Variants in SLC5A11 observed in about 807,000 individuals in gnomAD.
SLC5A11 encodes the protein sodium/myo-inositol cotransporter 2.
A neutral mutation model predicts 69.8 loss-of-function variants in SLC5A11; 48 were observed. The observed-to-expected ratio is 0.69, with a 90% CI of 0.55 to 0.87. SLC5A11 has a LOEUF of 0.87. Ranked by LOEUF, SLC5A11 falls within the 40% of genes least tolerant of loss-of-function variation. The probability of loss-of-function intolerance (pLI) is 0.00; values close to 1 mark genes in which losing one functional copy is unlikely to be tolerated. For synonymous variants in SLC5A11, 319 were observed against 342.4 expected, an observed-to-expected ratio of 0.93 and a Z score of 0.75; for missense variants, 784 against 866.1, an observed-to-expected ratio of 0.91 and a Z score of 1.19.
chr16:24,858,761 C>G, exon 2 of SLC5A11: 2 of 1,611,830 alleles, frequency 1.2e-6, no homozygotes, highest in Middle Eastern at 1.8e-4. Flanking sequence ...CCTCTTTGTC[C>G]TGGCTGTTGG....
rs763262980 is a variant in SLC5A11 at position 24,877,381 on chromosome 16, G to T, written c.583+18G>T. ...GGTTGCTGGTAAGACTGAACAAAGG[G>T]TAACACCTAGCAGAGGCAGTGGGCA... On this transcript the variant is annotated intron_variant, in intron 7 of 15. Transcript: ENST00000347898. The T allele has an allele frequency of 6.3e-7, 1 of 1,597,276 alleles. No homozygotes were observed. Among genetic ancestry groups the T allele is most frequent in the South Asian group, 1.1e-5 (1 of 90,208 alleles).
At chr16:24,888,783 C>CTT (rs1169015317) in intron 8 of SLC5A11, among the ~76,000 whole-genome samples, 5,872 of 45,670 alleles carry the variant, frequency 0.13, 2,274 homozygotes, top group Non-Finnish European at 0.21. Context: ...CGTGCCTGTC[C>CTT]TTTTTTTTTT....
chr16:24,868,596 C>CAAA lies in SLC5A11; in HGVS notation c.208-1292_208-1290dup, dbSNP rs71156448. On this transcript the variant is annotated intron_variant, in intron 3 of 15. Transcript: ENST00000347898. ...CCTGGGAGACAGCAAGACTCCGCCT[C>CAAA]AAAAAAAAAAAAAAAGAGACTCACA... Among the ~76,000 whole-genome samples, 1,208 of 123,922 alleles carry CAAA rather than the reference C, an allele frequency of 9.7e-3. 22 individuals are homozygous for CAAA. Among genetic ancestry groups the CAAA allele is most frequent in the African/African-American group, 0.035 (1,117 of 32,328 alleles). 81.3% of individuals were successfully genotyped at this position (123,922 alleles called of 152,430 possible).
Position 24,911,558 on chromosome 16 carries a change from ACT to A in SLC5A11, c.*28_*29del, listed in dbSNP as rs777971848. 109 of 1,609,536 alleles carry A rather than the reference ACT, an allele frequency of 6.8e-5. 3 individuals carry two copies. The South Asian group carries it at 1.1e-3, about 16-fold the overall frequency. On this transcript the variant is annotated 3_prime_UTR_variant, in exon 16 of 16. Transcript: ENST00000347898. ...GTGTGGGGTGAACCCAGGGGTCCAAACTCTGTTTCTCTTCAGTGCTCCATTTT... is the reference window on the plus strand; with the variant it reads ...GTGTGGGGTGAACCCAGGGGTCCAAACTGTTTCTCTTCAGTGCTCCATTTT...
At chr16:24,910,415 C>T in exon 15 of SLC5A11, 1 of 1,613,686 alleles carries the variant, frequency 6.2e-7, no homozygotes. Flanking sequence ...ATGCCAGAGG[C>T]CAGCAGCAGC....
At chr16:24,849,591 A>ACATACATATAT (rs60683631) in intron 1 of SLC5A11, among the ~76,000 whole-genome samples, 1 of 57,498 alleles carries the variant, frequency 1.7e-5, no homozygotes, top group African/African-American at 6.1e-5. Flanking sequence ...AAAAAAAAAA[A>ACATACATATAT]AAATATATAT....
chr16:24,883,740 G>A (rs2048197308), intron 7 of SLC5A11, among the ~76,000 whole-genome samples: 1 of 152,228 alleles, frequency 6.6e-6, no homozygotes, highest in Non-Finnish European at 1.5e-5. Context: ...CAACAGGAGA[G>A]TAAGTGCAGA....
exon 14 of SLC5A11, chr16:24,908,933 T>G (rs1597320511): frequency 8.1e-6 from 13 of 1,614,088 alleles, no homozygotes; most frequent in Non-Finnish European, 1.0e-5. Flanking sequence ...GTTAGGCTGG[T>G]CCTGGACTTT....
chr16:24,902,475 T>C (rs935766426), intron 10 of SLC5A11, among the ~76,000 whole-genome samples: 2 of 152,010 alleles, frequency 1.3e-5, no homozygotes, highest in South Asian at 2.1e-4. Context: ...CCTGAAGACC[T>C]GGGTTGATAT....
intron 8 of SLC5A11, among the ~76,000 whole-genome samples, chr16:24,889,711 C>G (rs1402684570): frequency 1.3e-5 from 2 of 151,612 alleles, no homozygotes; most frequent in Non-Finnish European, 2.9e-5. Flanking sequence ...CCACGCCTGG[C>G]TAATTTTTGT....
intron 6 of SLC5A11, among the ~76,000 whole-genome samples, 192 bp downstream of exon 7, chr16:24,875,923 A>G (rs1204190633): frequency 6.6e-6 from 1 of 152,072 alleles, no homozygotes; most frequent in Non-Finnish European, 1.5e-5. Context: ...GGTTGGGTGC[A>G]GTGGCTCACG....
At chr16:24,878,068 G>A (rs547724484) in intron 7 of SLC5A11, among the ~76,000 whole-genome samples, 26 of 151,976 alleles carry the variant, frequency 1.7e-4, no homozygotes, top group Non-Finnish European at 3.7e-4. Flanking sequence ...CAGGAGAATC[G>A]CTTGAACCCC....
chr16:24,901,958 G>GCGCACACACA (rs976595625), intron 10 of SLC5A11, among the ~76,000 whole-genome samples: 6 of 136,678 alleles, frequency 4.4e-5, no homozygotes, highest in African/African-American at 1.4e-4. Context: ...ACACACACAC[G>GCGCACACACA]CACACACACA....
chr16:24,906,072 C>G (rs114634368), intron 10 of SLC5A11, among the ~76,000 whole-genome samples: 1,785 of 152,226 alleles, frequency 0.012, 35 homozygotes, highest in African/African-American at 0.041. Flanking sequence ...TTAACCAGGA[C>G]AGGTGAGCAG....
At chr16:24,854,594 T>TA (rs1281009304) in intron 1 of SLC5A11, among the ~76,000 whole-genome samples, 1 of 151,950 alleles carries the variant, frequency 6.6e-6, no homozygotes, top group Non-Finnish European at 1.5e-5. Context: ...CACACCCACC[T>TA]AAAAAAATTG....
chr16:24,906,593 GT>G, intron 10 of SLC5A11, 63 bp from the exon 12 acceptor site: 4 of 1,048,238 alleles, frequency 3.8e-6, no homozygotes, highest in Non-Finnish European at 5.6e-6. Context: ...CCGGCCCCAT[GT>G]TGCCTGGGCC....
chr16:24,874,270 A>G lies in SLC5A11; in HGVS notation c.373-1357A>G, dbSNP rs190648847. Reference sequence around the variant, plus strand: ...AAGTTGCTCCCAGTATTGGTCTATGATAGACAGCACTGCTGTGAACATTTT... The same window carrying G: ...AAGTTGCTCCCAGTATTGGTCTATGGTAGACAGCACTGCTGTGAACATTTT... On this transcript the variant is annotated intron_variant, in intron 5 of 15. Coordinates refer to ENST00000347898, the Ensembl canonical transcript of SLC5A11. Among the ~76,000 whole-genome samples, 10 of 152,284 alleles carry G rather than the reference A, an allele frequency of 6.6e-5. No individual in the cohort carries two copies. The East Asian group carries it at 1.9e-3, about 29-fold the overall frequency.
intron 3 of SLC5A11, among the ~76,000 whole-genome samples, chr16:24,868,557 C>T (rs1439374285): frequency 6.7e-6 from 1 of 149,034 alleles, no homozygotes; most frequent in East Asian, 2.0e-4. Flanking sequence ...TGAGATCACA[C>T]CACTGCACTC....
At chr16:24,905,269 CAA>C (rs34703027) in intron 10 of SLC5A11, among the ~76,000 whole-genome samples, 45,793 of 80,856 alleles carry the variant, frequency 0.57, 10,412 homozygotes, top group Non-Finnish European at 0.6. Context: ...ACTAAAAATA[CAA>C]AAAAAAAAAA....
Sources: gnomAD v4.1 joint callset for allele counts (sites outside exome capture counted in the v4.1 genomes callset) on GRCh38, gnomAD v4.1.1 for gene constraint, MANE v1.5 for transcripts, NCBI Gene and HGNC (gene_info 2026-07-23, HGNC 2026-07-21) for gene names.